Variants in ACOT7 observed in about 807,000 individuals in gnomAD.
ACOT7 encodes cytosolic acyl coenzyme A thioester hydrolase.
Under a neutral mutation model 40.2 loss-of-function variants are expected in ACOT7, and 12 were observed. That is an observed-to-expected ratio of 0.30 (90% CI 0.19 to 0.48). The LOEUF (loss-of-function observed/expected upper bound fraction) is 0.48, where lower values mean the gene tolerates loss of function less well. Among genes scored for constraint, ACOT7 ranks in the 20% least tolerant of loss-of-function variants. The probability of loss-of-function intolerance (pLI) is 0.99; values close to 1 mark genes in which losing one functional copy is unlikely to be tolerated. For missense variants in ACOT7, 395 were observed against 530.8 expected (o/e 0.74, Z 2.51); for synonymous variants, 228 against 219.5 (o/e 1.04, Z -0.34).
At chr1:6,270,846 T>C (rs866170518) in intron 8 of ACOT7, among the ~76,000 whole-genome samples, 27 of 152,306 alleles carry the variant, frequency 1.8e-4, no homozygotes, top group Middle Eastern at 6.8e-3. Flanking sequence ...CCTGCTGGTG[T>C]GTGGCTGCCC....
chr1:6,318,348 A>G, intron 6 of ACOT7, 144 bp downstream of exon 6: 1 of 876,636 alleles, frequency 1.1e-6, no homozygotes. Flanking sequence ...GTGCCACTGC[A>G]CCTGGCCTAT....
intron 1 of ACOT7, among the ~76,000 whole-genome samples, chr1:6,367,451 A>T (rs1444977330): frequency 6.6e-6 from 1 of 152,176 alleles, no homozygotes; most frequent in African/African-American, 2.4e-5. Flanking sequence ...GCCAAGGACA[A>T]GCCTGGTGTG....
At chr1:6,312,131 C>T (rs1266502880) in intron 6 of ACOT7, among the ~76,000 whole-genome samples, 3 of 152,078 alleles carry the variant, frequency 2.0e-5, no homozygotes, top group South Asian at 2.1e-4. Flanking sequence ...GCGTCTCCCT[C>T]GGTAGAGCTG....
chr1:6,276,873 A>G (rs1639207338), intron 8 of ACOT7, among the ~76,000 whole-genome samples: 1 of 152,164 alleles, frequency 6.6e-6, no homozygotes. Context: ...GCGTAGATCA[A>G]CATGACGCGG....
chr1:6,290,164 C>T (rs973540689), intron 7 of ACOT7, among the ~76,000 whole-genome samples: 1 of 152,162 alleles, frequency 6.6e-6, no homozygotes, highest in Admixed American at 6.5e-5. Context: ...TGGCCTCAGA[C>T]GCTGGGAAAG....
chr1:6,371,108 CTGATCAGTAT>C (rs1264398064), intron 1 of ACOT7, among the ~76,000 whole-genome samples: 1 of 152,102 alleles, frequency 6.6e-6, no homozygotes, highest in Non-Finnish European at 1.5e-5. Context: ...CGCACCCGGC[CTGATCAGTAT>C]TATTTTGAAA....
At chr1:6,384,767 A>T (rs1571357586) in intron 1 of ACOT7, among the ~76,000 whole-genome samples, 1 of 151,720 alleles carries the variant, frequency 6.6e-6, no homozygotes, top group African/African-American at 2.4e-5. Flanking sequence ...CACTCTTAGG[A>T]CTACAAAGGT....
chr1:6,339,323 A>C (rs1641196236), intron 3 of ACOT7, 110 bp downstream of exon 3: 1 of 1,484,538 alleles, frequency 6.7e-7, no homozygotes, highest in South Asian at 1.2e-5. Context: ...GAGAGGTCTC[A>C]TTGGTGGAAA....
chr1:6,313,807 A>G (rs1256175785), intron 6 of ACOT7, among the ~76,000 whole-genome samples: 3 of 146,828 alleles, frequency 2.0e-5, no homozygotes, highest in African/African-American at 8.2e-5. Context: ...CTGCATTGTT[A>G]GTTCAAAAAA....
chr1:6,374,386 G>A (rs1410013923), intron 1 of ACOT7, among the ~76,000 whole-genome samples: 1 of 152,250 alleles, frequency 6.6e-6, no homozygotes, highest in African/African-American at 2.4e-5. Flanking sequence ...AGTACTTCCA[G>A]AGTATGGGGC....
intron 1 of ACOT7, among the ~76,000 whole-genome samples, chr1:6,378,005 G>A (rs1352742179): frequency 6.6e-6 from 1 of 152,138 alleles, no homozygotes. Flanking sequence ...GGGAGGTGGA[G>A]CTTGCAGTGA....
intron 1 of ACOT7, among the ~76,000 whole-genome samples, chr1:6,379,503 G>A (rs994162879): frequency 1.3e-5 from 2 of 151,560 alleles, no homozygotes; most frequent in Non-Finnish European, 2.9e-5. Flanking sequence ...CGTCACCCAG[G>A]CCCCAGTGCA....
intron 7 of ACOT7, among the ~76,000 whole-genome samples, chr1:6,286,474 C>G (rs1329899286): frequency 1.3e-5 from 2 of 152,190 alleles, no homozygotes; most frequent in African/African-American, 4.8e-5. Flanking sequence ...CTGTCAAGGC[C>G]AGTCTCCGGA....
intron 4 of ACOT7, among the ~76,000 whole-genome samples, chr1:6,331,422 C>T (rs573232625): frequency 6.6e-6 from 1 of 152,328 alleles, no homozygotes; most frequent in East Asian, 1.9e-4. Context: ...AGCCACCCGG[C>T]GCTGGAGACG....
At chr1:6,376,409 G>A (rs920078676) in intron 1 of ACOT7, among the ~76,000 whole-genome samples, 5 of 151,826 alleles carry the variant, frequency 3.3e-5, no homozygotes, top group African/African-American at 4.8e-5. Context: ...TTCCAGCCTC[G>A]GTGACAGAGC....
intron 6 of ACOT7, among the ~76,000 whole-genome samples, chr1:6,304,892 T>C (rs1640084070): frequency 7.1e-6 from 1 of 141,148 alleles, no homozygotes; most frequent in Non-Finnish European, 1.5e-5. Context: ...CATGGCCCGT[T>C]CTCAATGAGC....
At chr1:6,378,845 C>T (rs1473404420) in intron 1 of ACOT7, among the ~76,000 whole-genome samples, 1 of 151,812 alleles carries the variant, frequency 6.6e-6, no homozygotes, top group Admixed American at 6.6e-5. Flanking sequence ...CACGGCGTGG[C>T]CTGCCCCTGA....
chr1:6,328,722 A>G (rs145874866), intron 4 of ACOT7, among the ~76,000 whole-genome samples: 1,633 of 152,326 alleles, frequency 0.011, 25 homozygotes, highest in Non-Finnish European at 0.014. Flanking sequence ...ACAACTCAGC[A>G]CAAAAGCCAA....
At position 6,301,981 on chromosome 1, in the gene ACOT7, T is replaced by C. The variant is rs1639986335; in HGVS notation, c.713-7001A>G. On this transcript the variant is annotated intron_variant, in intron 6 of 8. Coordinates refer to ENST00000361521, the MANE Select transcript of ACOT7 (RefSeq NM_007274.4). The surrounding 1 kb of genome is among the most constrained non-coding windows in gnomAD (Gnocchi z 4.1). Reference sequence around the variant, plus strand: ...TGAAACAACAACTTTATACTAACGATGGAAAAGGCCAAGACTGGTGGATGG... The same window carrying C: ...TGAAACAACAACTTTATACTAACGACGGAAAAGGCCAAGACTGGTGGATGG... 6.6e-6 allele frequency among the ~76,000 whole-genome samples: 1 copy of C among 152,120 alleles called. No homozygotes were observed. The highest frequency in any genetic ancestry group is 6.5e-5 in the Admixed American group (1 of 15,284).
Sources: allele counts gnomAD v4.1 joint callset (sites outside exome capture counted in the v4.1 genomes callset), GRCh38; gene constraint gnomAD v4.1.1; non-coding constraint Gnocchi (gnomAD v3.1); transcripts MANE v1.5; gene names NCBI Gene and HGNC (gene_info 2026-07-23, HGNC 2026-07-21).